ADARB2: variants seen among roughly 807,000 people sequenced by gnomAD.
ADARB2 encodes the protein adenosine deaminase RNA specific B2 (inactive).
In ADARB2, 25 loss-of-function variants were observed where a neutral mutation model predicts 62.2. That is an observed-to-expected ratio of 0.40 (90% CI 0.29 to 0.56). ADARB2 has a LOEUF of 0.56. Among genes scored for constraint, ADARB2 ranks in the 20% least tolerant of loss-of-function variants. ADARB2 has a pLI of 0.43. For missense variants in ADARB2, 1,071 were observed against 1,077.4 expected (o/e 0.99, Z 0.08); for synonymous variants, 572 against 500.8 (o/e 1.14, Z -1.90).
intron 3 of ADARB2, among the ~76,000 whole-genome samples, chr10:1,317,133 C>T (rs1026754280): frequency 1.3e-5 from 2 of 152,236 alleles, no homozygotes; most frequent in Non-Finnish European, 2.9e-5. Flanking sequence ...TTTTTGCTGA[C>T]AGCCTTGCTC....
intron 1 of ADARB2, among the ~76,000 whole-genome samples, chr10:1,531,107 G>A (rs1157581362): frequency 6.6e-6 from 1 of 152,228 alleles, no homozygotes; most frequent in African/African-American, 2.4e-5. Flanking sequence ...AGCCTACCAT[G>A]TGCTCCAGGA....
chr10:1,398,868 A>T lies in ADARB2; in HGVS notation c.101-19708T>A, dbSNP rs183146379. Among the ~76,000 whole-genome samples the T allele has an allele frequency of 6.0e-4, 92 of 152,220 alleles. No individual in the cohort carries two copies. The highest frequency in any genetic ancestry group is 2.1e-3 in the African/African-American group (87 of 41,550). ...AGCCTGCACGAGGTTGCTGGGGGAA[A>T]CAGACCGCTCTGTCTTTGGGGTCTT... On this transcript the variant is annotated intron_variant, in intron 1 of 9. Transcript: ENST00000381312. The surrounding 1 kb of genome is among the most constrained non-coding windows in gnomAD (Gnocchi z 4.1).
chr10:1,633,522 AGTCT>A (rs979750170), intron 1 of ADARB2, among the ~76,000 whole-genome samples: 34 of 114,156 alleles, frequency 3.0e-4, no homozygotes, highest in Non-Finnish European at 5.4e-4. Flanking sequence ...TCAATGAGTG[AGTCT>A]GTCTGTCTGT....
At chr10:1,566,757 G>T (rs1832865815) in intron 1 of ADARB2, among the ~76,000 whole-genome samples, 1 of 151,908 alleles carries the variant, frequency 6.6e-6, no homozygotes. Flanking sequence ...TCTATATATT[G>T]TTTATCTACA....
At position 1,363,256 on chromosome 10, in the gene ADARB2, C is replaced by A. The variant is rs759142098; in HGVS notation, c.849G>T (p.Leu283=). The change falls in exon 3 of 10, where the codon CTG becomes CTT. Residue 283 remains leucine, a synonymous_variant. Transcript: ENST00000381312. ...APGERNPVVL[L]NRLRAGLRYV... is the part of the protein sequence containing the mutation. ...AGCGCAGCCCGGCGCGCAGGCGGTT[C>A]AGCAGCACCACGGGGTTGCGCTCGC... 1.4e-5 allele frequency: 19 copies of A among 1,322,246 alleles called. No individual in the cohort carries two copies. The South Asian group carries it at 3.8e-4, about 27-fold the overall frequency. 81.9% of individuals were successfully genotyped at this position (1,322,246 alleles called of 1,614,324 possible). A position where few individuals can be genotyped will look rare whatever the true frequency, so the allele number is the denominator to read the frequency against.
intron 1 of ADARB2, among the ~76,000 whole-genome samples, chr10:1,476,131 A>G (rs1831396887): frequency 6.6e-6 from 1 of 152,160 alleles, no homozygotes; most frequent in African/African-American, 2.4e-5. Flanking sequence ...GGGGTGAGAG[A>G]AGGAGAAGGA....
intron 8 of ADARB2, among the ~76,000 whole-genome samples, chr10:1,187,635 G>A (rs577370667): frequency 2.0e-5 from 3 of 152,234 alleles, no homozygotes; most frequent in South Asian, 2.1e-4. Flanking sequence ...GCCAGCTGCC[G>A]TCTGACGGGG....
At chr10:1,629,473 C>T (rs1295754275) in intron 1 of ADARB2, among the ~76,000 whole-genome samples, 1 of 151,840 alleles carries the variant, frequency 6.6e-6, no homozygotes, top group Non-Finnish European at 1.5e-5. Flanking sequence ...CGCCAGCGCC[C>T]AACCCCGCCC....
chr10:1,560,771 G>A (rs909831216), intron 1 of ADARB2, among the ~76,000 whole-genome samples: 4 of 152,366 alleles, frequency 2.6e-5, no homozygotes, highest in Admixed American at 1.3e-4. Flanking sequence ...GGGACTTGTG[G>A]ACGGTCATCT....
chr10:1,485,597 T>C (rs1388091401), intron 1 of ADARB2, among the ~76,000 whole-genome samples: 1 of 152,200 alleles, frequency 6.6e-6, no homozygotes, highest in Admixed American at 6.5e-5. Flanking sequence ...GTCAGCATAG[T>C]TGATGACTCT....
intron 1 of ADARB2, among the ~76,000 whole-genome samples, chr10:1,440,763 G>A (rs1830895892): frequency 6.6e-6 from 1 of 152,146 alleles, no homozygotes; most frequent in African/African-American, 2.4e-5. Flanking sequence ...AAGTCCAACA[G>A]AACAAATGCA....
chr10:1,342,476 G>A (rs953161459), intron 3 of ADARB2, among the ~76,000 whole-genome samples: 2 of 152,202 alleles, frequency 1.3e-5, no homozygotes, highest in African/African-American at 4.8e-5. Context: ...TCTTCAGGTG[G>A]CCATTCCTAG....
rs79196179 is a variant in ADARB2, at chr10:1,352,945, T to G, written c.1077+10083A>C. 7.9e-3 allele frequency among the ~76,000 whole-genome samples: 1,203 copies of G among 152,264 alleles called. 9 individuals are homozygous for G. Among genetic ancestry groups the G allele is most frequent in the African/African-American group, 0.017 (719 of 41,552 alleles). On this transcript the variant is annotated intron_variant, in intron 3 of 9. Coordinates refer to ENST00000381312, the MANE Select transcript of ADARB2 (RefSeq NM_018702.4). The stretch of plus-strand genomic sequence containing the variant: ...TTATTGATGGCAGTTCCACCAGGCC[T>G]AATCCCCACACACCAGGAAAGGCAG...
intron 7 of ADARB2, chr10:1,215,623 A>T (rs1324097188): frequency 2.6e-5 from 4 of 152,210 alleles, no homozygotes; most frequent in African/African-American, 4.8e-5. Context: ...TTTGCACCAA[A>T]TGCGCTGTTT....
At chr10:1,712,137 T>C (rs1207061850) in intron 1 of ADARB2, among the ~76,000 whole-genome samples, 4 of 152,228 alleles carry the variant, frequency 2.6e-5, no homozygotes, top group Admixed American at 1.3e-4. Flanking sequence ...CGAAGCTGTA[T>C]TTAAAACAGA....
chr10:1,214,795 T>G (rs971852274), intron 7 of ADARB2, among the ~76,000 whole-genome samples: 1 of 152,254 alleles, frequency 6.6e-6, no homozygotes, highest in Non-Finnish European at 1.5e-5. Flanking sequence ...GAATACATTT[T>G]CTTTTGAAGA....
At chr10:1,716,044 C>T (rs1441846154) in intron 1 of ADARB2, among the ~76,000 whole-genome samples, 2 of 152,184 alleles carry the variant, frequency 1.3e-5, no homozygotes, top group Non-Finnish European at 2.9e-5. Flanking sequence ...CCTGCGCGTT[C>T]CATCACGACT....
intron 1 of ADARB2, among the ~76,000 whole-genome samples, chr10:1,663,039 AG>A (rs1834269136): frequency 6.6e-6 from 1 of 152,280 alleles, no homozygotes; most frequent in South Asian, 2.1e-4. Flanking sequence ...GGATGTGATT[AG>A]CTGCAATGTT....
intron 1 of ADARB2, among the ~76,000 whole-genome samples, chr10:1,400,272 G>A (rs545181554): frequency 6.6e-6 from 1 of 152,310 alleles, no homozygotes; most frequent in East Asian, 1.9e-4. Context: ...TGAGCCCTGG[G>A]CCTCCCTGAG....
Sources: allele counts gnomAD v4.1 joint callset (sites outside exome capture counted in the v4.1 genomes callset), GRCh38; gene constraint gnomAD v4.1.1; non-coding constraint Gnocchi (gnomAD v3.1); transcripts MANE v1.5; gene names NCBI Gene and HGNC (gene_info 2026-07-23, HGNC 2026-07-21).